The following TMEM232 variants were observed in gnomAD, a reference collection of about 807,000 sequenced individuals.
The protein encoded by TMEM232 is transmembrane protein 232.
TMEM232 carries 80 observed loss-of-function variants against 78.8 expected under a neutral mutation model. The observed-to-expected ratio is 1.01, with a 90% confidence interval of 0.85 to 1.22. The LOEUF (loss-of-function observed/expected upper bound fraction) is 1.22. TMEM232 is among the 50% of genes most tolerant of loss of function. The probability of loss-of-function intolerance (pLI) is 0.00; values close to 1 mark genes in which losing one functional copy is unlikely to be tolerated. For missense variants in TMEM232, 881 were observed against 742.2 expected (o/e 1.19, Z -2.17); for synonymous variants, 297 against 254.3 (o/e 1.17, Z -1.60).
intron 11 of TMEM232, among the ~76,000 whole-genome samples, chr5:110,549,852 A>T (rs1774245287): frequency 6.6e-6 from 1 of 152,118 alleles, no homozygotes; most frequent in Admixed American, 6.5e-5. Flanking sequence ...AATCTTCCCC[A>T]AAATATCCAT....
At chr5:110,591,542 A>G (rs977022452) in intron 10 of TMEM232, among the ~76,000 whole-genome samples, 6 of 152,286 alleles carry the variant, frequency 3.9e-5, no homozygotes, top group South Asian at 2.1e-4. Flanking sequence ...CCACCATAAC[A>G]TCTATTAACC....
intron 1 of TMEM232, among the ~76,000 whole-genome samples, chr5:110,711,176 A>C (rs977926964): frequency 1.3e-5 from 2 of 152,192 alleles, no homozygotes; most frequent in African/African-American, 2.4e-5. Flanking sequence ...GGTACAAATA[A>C]AATTAAATAC....
intron 12 of TMEM232, among the ~76,000 whole-genome samples, chr5:110,434,321 A>G (rs1415517324): frequency 1.3e-5 from 2 of 151,736 alleles, no homozygotes; most frequent in South Asian, 2.1e-4. Flanking sequence ...AAAAATGCTT[A>G]GAAACTACTG....
chr5:110,517,512 T>C (rs866585289), intron 12 of TMEM232, among the ~76,000 whole-genome samples: 41 of 152,330 alleles, frequency 2.7e-4, no homozygotes, highest in South Asian at 6.2e-4. Context: ...TGCCTTGTTG[T>C]CACCAAGCTG....
At chr5:110,473,420 A>G (rs928104109) in intron 12 of TMEM232, among the ~76,000 whole-genome samples, 5 of 151,794 alleles carry the variant, frequency 3.3e-5, no homozygotes, top group Non-Finnish European at 7.4e-5. Flanking sequence ...TTATCTAAAA[A>G]ACAAAAGATA....
At chr5:110,584,208 T>C (rs1006781692) in intron 10 of TMEM232, among the ~76,000 whole-genome samples, 10 of 151,826 alleles carry the variant, frequency 6.6e-5, no homozygotes, top group Admixed American at 5.9e-4. Context: ...ACCATATTCA[T>C]TGCAGCACTG....
At chr5:110,398,656 C>G (rs1339552921) in intron 2 of TMEM232, among the ~76,000 whole-genome samples, 1 of 152,114 alleles carries the variant, frequency 6.6e-6, no homozygotes, top group East Asian at 1.9e-4. Context: ...AGAACATGTC[C>G]AGATGCTGAA....
At chr5:110,669,846 T>C (rs529502336) in intron 1 of TMEM232, among the ~76,000 whole-genome samples, 2 of 152,316 alleles carry the variant, frequency 1.3e-5, no homozygotes, top group Admixed American at 6.5e-5. Flanking sequence ...TCAATAAACA[T>C]AATCCAGCAT....
At chr5:110,658,268 G>A (rs1789351053) in intron 2 of TMEM232, among the ~76,000 whole-genome samples, 1 of 152,032 alleles carries the variant, frequency 6.6e-6, no homozygotes, top group East Asian at 1.9e-4. Flanking sequence ...ATATCCAAAG[G>A]CTTTATGATA....
rs1184110565 is a variant in TMEM232 at position 110,528,550 on chromosome 5, T to C, written c.1703+38A>G. 11 of 1,431,236 alleles carry C rather than the reference T, an allele frequency of 7.7e-6. No individual in the cohort carries two copies. In the East Asian group the frequency reaches 2.6e-4, roughly 33 times the overall value. 88.7% of individuals were successfully genotyped at this position (1,431,236 alleles called of 1,614,324 possible). ...TAATTTCTGTGATTTTGAATTGTAA[T>C]GTATTAGAACAATAAAACCGATAGT... On this transcript the variant is annotated intron_variant, in intron 12 of 13. Coordinates refer to ENST00000455884, the MANE Select transcript of TMEM232 (RefSeq NM_001039763.4).
At chr5:110,495,199 T>G (rs1377542460) in intron 12 of TMEM232, among the ~76,000 whole-genome samples, 1 of 151,468 alleles carries the variant, frequency 6.6e-6, no homozygotes, top group Non-Finnish European at 1.5e-5. Context: ...AAAGGAGAGA[T>G]CTGTGGTTTA....
At chr5:110,567,877 G>C (rs986009377) in intron 11 of TMEM232, among the ~76,000 whole-genome samples, 1 of 151,858 alleles carries the variant, frequency 6.6e-6, no homozygotes, top group African/African-American at 2.4e-5. Context: ...ATCATAAAAA[G>C]CTACATCATA....
chr5:110,630,375 A>T (rs1561418755), intron 5 of TMEM232, among the ~76,000 whole-genome samples: 1 of 152,186 alleles, frequency 6.6e-6, no homozygotes, highest in Non-Finnish European at 1.5e-5. Flanking sequence ...AAGTTATGGG[A>T]AATACCTGAG....
Position 110,666,145 on chromosome 5 carries a change from T to C in TMEM232, c.125+1083A>G, listed in dbSNP as rs181944583. On this transcript the variant is annotated intron_variant, in intron 2 of 13. Coordinates refer to ENST00000455884, the MANE Select transcript of TMEM232 (RefSeq NM_001039763.4). ...TGGAGCAAAGAAAACAATTGCACTT[T>C]GTTAAATCCAGGGCTTTTGAAATTT... 9.9e-5 allele frequency among the ~76,000 whole-genome samples: 15 copies of C among 152,274 alleles called. No homozygotes were observed. The East Asian group carries it at 2.9e-3, about 29-fold the overall frequency.
At chr5:110,666,084 A>C (rs528893031) in intron 2 of TMEM232, among the ~76,000 whole-genome samples, 1 of 152,212 alleles carries the variant, frequency 6.6e-6, no homozygotes, top group East Asian at 1.9e-4. Context: ...GTCTCTAAAA[A>C]TAAATTAATT....
chr5:110,627,541 G>GA (rs1352023263), intron 6 of TMEM232, among the ~76,000 whole-genome samples: 2 of 151,360 alleles, frequency 1.3e-5, no homozygotes, highest in African/African-American at 2.4e-5. Context: ...AAAATTGCCG[G>GA]AAAAAAAAGT....
chr5:110,473,323 A>G (rs1307073274), intron 12 of TMEM232, among the ~76,000 whole-genome samples: 1 of 151,902 alleles, frequency 6.6e-6, no homozygotes, highest in Non-Finnish European at 1.5e-5. Context: ...CAAAAGTTAC[A>G]TAAAAATACT....
chr5:110,558,768 C>T (rs536851543), intron 11 of TMEM232, among the ~76,000 whole-genome samples: 1 of 152,314 alleles, frequency 6.6e-6, no homozygotes, highest in South Asian at 2.1e-4. Context: ...TCCCTTCCAA[C>T]TCTCCAAGCA....
upstream of TMEM232, among the ~76,000 whole-genome samples, chr5:110,731,171 G>A (rs1798642676): frequency 6.6e-6 from 1 of 152,196 alleles, no homozygotes; most frequent in Admixed American, 6.5e-5. Flanking sequence ...TTTGATGCCA[G>A]GTCTCACCTC....
Sources: gnomAD v4.1 joint callset for allele counts (sites outside exome capture counted in the v4.1 genomes callset) on GRCh38, gnomAD v4.1.1 for gene constraint, MANE v1.5 for transcripts, NCBI Gene and HGNC (gene_info 2026-07-23, HGNC 2026-07-21) for gene names.